Variants in ADGRB3 observed in about 807,000 individuals in gnomAD.
The protein encoded by ADGRB3 is brain-specific angiogenesis inhibitor 3.
In ADGRB3, 37 loss-of-function variants were observed where a neutral mutation model predicts 193.4. The ratio of observed to expected loss-of-function variants is 0.19; its 90% CI spans 0.15 to 0.25. The LOEUF (loss-of-function observed/expected upper bound fraction) is 0.25. Ranked by LOEUF, ADGRB3 falls within the 10% of genes least tolerant of loss-of-function variation. The probability of loss-of-function intolerance (pLI) is 1.00; values close to 1 mark genes in which losing one functional copy is unlikely to be tolerated. For missense variants in ADGRB3, 1,637 were observed against 1,852.9 expected (o/e 0.88, Z 2.14); for synonymous variants, 690 against 644.2 (o/e 1.07, Z -1.08).
At chr6:68,689,058 G>C (rs139340803) in intron 3 of ADGRB3, among the ~76,000 whole-genome samples, 1 of 152,002 alleles carries the variant, frequency 6.6e-6, no homozygotes, top group Non-Finnish European at 1.5e-5. Flanking sequence ...CTGACCATAC[G>C]TCTGTAAATA....
chr6:69,102,658 G>A lies in ADGRB3; in HGVS notation c.2480+26620G>A, dbSNP rs140595062. On this transcript the variant is annotated intron_variant, in intron 17 of 31. Coordinates refer to ENST00000370598, the MANE Select transcript of ADGRB3 (RefSeq NM_001704.3). The stretch of plus-strand genomic sequence containing the variant: ...GCAGGGCCACCAAGGTAGAACTGGC[G>A]GAGCCCAAGTGAAAAATAGAGCATC... 7.9e-4 allele frequency among the ~76,000 whole-genome samples: 120 copies of A among 152,260 alleles called. No homozygotes were observed. The Middle Eastern group carries it at 0.01, about 13-fold the overall frequency.
chr6:68,952,985 T>G (rs1767974212), intron 6 of ADGRB3, among the ~76,000 whole-genome samples: 1 of 152,152 alleles, frequency 6.6e-6, no homozygotes, highest in Non-Finnish European at 1.5e-5. Context: ...CATTTTATTA[T>G]TATTGATGCA....
At chr6:69,138,630 G>A (rs1027176910) in intron 17 of ADGRB3, among the ~76,000 whole-genome samples, 2 of 152,190 alleles carry the variant, frequency 1.3e-5, no homozygotes, top group African/African-American at 4.8e-5. Flanking sequence ...GAATTATCAG[G>A]TACAATAAAT....
chr6:68,852,380 T>C (rs1193099085), intron 3 of ADGRB3, among the ~76,000 whole-genome samples: 4 of 151,912 alleles, frequency 2.6e-5, no homozygotes, highest in Non-Finnish European at 5.9e-5. Flanking sequence ...TTAAGTAACA[T>C]TGAAAAATTA....
chr6:69,328,319 C>T (rs1444315343), intron 22 of ADGRB3, among the ~76,000 whole-genome samples: 1 of 151,894 alleles, frequency 6.6e-6, no homozygotes, highest in African/African-American at 2.4e-5. Flanking sequence ...TAGGGTAATG[C>T]ATACTAAAAA....
chr6:69,027,008 T>A (rs539251312), intron 13 of ADGRB3, among the ~76,000 whole-genome samples: 1 of 152,236 alleles, frequency 6.6e-6, no homozygotes, highest in African/African-American at 2.4e-5. Flanking sequence ...CTACACTAAA[T>A]TTATTAAAAA....
chr6:68,767,380 T>C (rs1232286800), intron 3 of ADGRB3, among the ~76,000 whole-genome samples: 1 of 152,142 alleles, frequency 6.6e-6, no homozygotes, highest in Non-Finnish European at 1.5e-5. Flanking sequence ...GCAAGGCTGG[T>C]TCAACATATG....
chr6:69,093,528 G>T (rs556484525), intron 17 of ADGRB3, among the ~76,000 whole-genome samples: 2 of 152,082 alleles, frequency 1.3e-5, no homozygotes, highest in South Asian at 4.2e-4. Flanking sequence ...TAGGTTCAGG[G>T]GGATATGGGG....
chr6:68,943,184 C>T (rs899245302), intron 5 of ADGRB3, among the ~76,000 whole-genome samples: 1 of 152,066 alleles, frequency 6.6e-6, no homozygotes, highest in African/African-American at 2.4e-5. Context: ...TCGTATTTTC[C>T]ATTCATTTTG....
chr6:68,697,887 T>C (rs546942024), intron 3 of ADGRB3, among the ~76,000 whole-genome samples: 1 of 151,942 alleles, frequency 6.6e-6, no homozygotes, highest in Non-Finnish European at 1.5e-5. Flanking sequence ...GTTGTACAAG[T>C]TATTTATATA....
intron 3 of ADGRB3, among the ~76,000 whole-genome samples, chr6:68,747,611 C>G (rs1766109693): frequency 6.6e-6 from 1 of 152,084 alleles, no homozygotes; most frequent in Admixed American, 6.6e-5. Flanking sequence ...ATCATTTCAG[C>G]CAATTGCATT....
chr6:68,978,469 C>G (rs1474329400), intron 10 of ADGRB3, among the ~76,000 whole-genome samples: 1 of 151,444 alleles, frequency 6.6e-6, no homozygotes, highest in Non-Finnish European at 1.5e-5. Context: ...ATACACAAAT[C>G]TAGGGCTTGC....
At chr6:68,918,931 A>G (rs1168781410) in intron 3 of ADGRB3, among the ~76,000 whole-genome samples, 2 of 152,078 alleles carry the variant, frequency 1.3e-5, no homozygotes, top group Admixed American at 6.6e-5. Flanking sequence ...TATCACTATT[A>G]TTAATAATTT....
At chr6:69,030,138 A>G (rs1468051381) in intron 13 of ADGRB3, among the ~76,000 whole-genome samples, 1 of 152,096 alleles carries the variant, frequency 6.6e-6, no homozygotes, top group Non-Finnish European at 1.5e-5. Context: ...GGATGTGGAG[A>G]AATAGGAACA....
At chr6:69,135,485 T>C (rs900959464) in intron 17 of ADGRB3, among the ~76,000 whole-genome samples, 1 of 152,024 alleles carries the variant, frequency 6.6e-6, no homozygotes, top group African/African-American at 2.4e-5. Context: ...AAATGTACTG[T>C]CGTAGTAAGC....
intron 3 of ADGRB3, among the ~76,000 whole-genome samples, chr6:68,677,164 A>G (rs1477371984): frequency 2.0e-5 from 3 of 152,198 alleles, no homozygotes; most frequent in Admixed American, 1.3e-4. Context: ...TTTTATTCAG[A>G]TATTTGTATT....
chr6:68,715,956 T>C (rs1287297353), intron 3 of ADGRB3, among the ~76,000 whole-genome samples: 1 of 151,706 alleles, frequency 6.6e-6, no homozygotes, highest in Non-Finnish European at 1.5e-5. Flanking sequence ...GGCGGGGGAA[T>C]GCTGACCACC....
At chr6:68,911,106 A>G (rs983735395) in intron 3 of ADGRB3, among the ~76,000 whole-genome samples, 1 of 152,126 alleles carries the variant, frequency 6.6e-6, no homozygotes, top group Non-Finnish European at 1.5e-5. Context: ...TGATGAGTTC[A>G]TGTCTTTGTA....
Position 68,848,431 on chromosome 6 carries a change from A to AGTGTT in ADGRB3, c.758-82127_758-82123dup, listed in dbSNP as rs887952160. Among the ~76,000 whole-genome samples the AGTGTT allele has an allele frequency of 5.9e-5, 9 of 152,174 alleles. No homozygotes were observed. In the East Asian group the frequency reaches 1.2e-3, roughly 20 times the overall value. On this transcript the variant is annotated intron_variant, in intron 3 of 31. Coordinates refer to ENST00000370598, the MANE Select transcript of ADGRB3 (RefSeq NM_001704.3). ...GAAGCTAGGTAAAACTCAAATTTTG[A>AGTGTT]GTGTTTTCATTTAAAATGAGCTTTT...
Sources: gnomAD v4.1 joint callset for allele counts (sites outside exome capture counted in the v4.1 genomes callset) on GRCh38, gnomAD v4.1.1 for gene constraint, MANE v1.5 for transcripts, NCBI Gene and HGNC (gene_info 2026-07-23, HGNC 2026-07-21) for gene names.